TBXAS1: variants seen among roughly 807,000 people sequenced by gnomAD.
TBXAS1 encodes the protein thromboxane A synthase 1.
In TBXAS1, 48 loss-of-function variants were observed where a neutral mutation model predicts 60.7. The observed-to-expected ratio is 0.79, with a 90% CI of 0.63 to 1.01. The LOEUF is 1.01. TBXAS1 is among the 50% of genes least tolerant of loss of function. The pLI, the probability that TBXAS1 is intolerant of heterozygous loss-of-function variation, is 0.00. For synonymous variants in TBXAS1, 287 were observed against 269.7 expected (o/e 1.06, Z -0.63); for missense variants, 685 against 686.3 (o/e 1.00, Z 0.02).
At chr7:139,996,400 G>C (rs1398106485) in intron 9 of TBXAS1, among the ~76,000 whole-genome samples, 1 of 147,780 alleles carries the variant, frequency 6.8e-6, no homozygotes, top group African/African-American at 2.5e-5. Context: ...TTGGCTCTGT[G>C]CTTGTTTTTC....
At chr7:139,827,910 A>G (rs1798488567), upstream of TBXAS1, among the ~76,000 whole-genome samples, 1 of 152,164 alleles carries the variant, frequency 6.6e-6, no homozygotes, top group Non-Finnish European at 1.5e-5. Context: ...ACAGCTCTTA[A>G]GATTCTTTCC....
rs1162299356 is a variant in TBXAS1 at position 139,951,930 on chromosome 7, AG to A, written c.451-1437del. ...AAGAGAAAGAAAGAGAGAAAGAAAG[AG>A]AGAAAGAAGGAAAGAAAGAAAAGAA... On this transcript the variant is annotated intron_variant, in intron 5 of 12. Coordinates refer to ENST00000448866, the MANE Select transcript of TBXAS1 (RefSeq NM_001061.7). Among the ~76,000 whole-genome samples the A allele has an allele frequency of 2.3e-3, 157 of 68,554 alleles. 15 individuals carry two copies. Among genetic ancestry groups the A allele is most frequent in the Middle Eastern group, 6.7e-3 (1 of 150 alleles). The allele number at this position is 68,554 out of a possible 152,430, so 45.0% of individuals were successfully genotyped here. A position where few individuals can be genotyped will look rare whatever the true frequency, so the allele number is the denominator to read the frequency against.
intron 4 of TBXAS1, among the ~76,000 whole-genome samples, chr7:139,799,819 A>G (rs1797671005): frequency 6.6e-6 from 1 of 152,138 alleles, no homozygotes; most frequent in Non-Finnish European, 1.5e-5. Flanking sequence ...TGTGGCTTTC[A>G]CTTGGCTTCT....
intron 3 of TBXAS1, among the ~76,000 whole-genome samples, chr7:139,905,166 G>A (rs774069869): frequency 6.6e-6 from 1 of 151,588 alleles, no homozygotes; most frequent in Non-Finnish European, 1.5e-5. Flanking sequence ...AAGAGGAGTG[G>A]TGGGAGTGGG....
At chr7:139,996,899 T>C (rs1813338971) in intron 9 of TBXAS1, among the ~76,000 whole-genome samples, 1 of 152,242 alleles carries the variant, frequency 6.6e-6, no homozygotes, top group Non-Finnish European at 1.5e-5. Context: ...TTCTGACTAC[T>C]GGCCTTGTGA....
intron 1 of TBXAS1, among the ~76,000 whole-genome samples, chr7:139,869,998 G>A (rs1267917932): frequency 6.6e-6 from 1 of 152,162 alleles, no homozygotes; most frequent in East Asian, 1.9e-4. Context: ...CTGCAGATTT[G>A]GGTGCAGGAA....
At position 139,792,932 on chromosome 7, in the gene TBXAS1, G is replaced by A. The variant is rs1161164112; in HGVS notation, c.-80+5506G>A. Among the ~76,000 whole-genome samples the A allele has an allele frequency of 3.3e-5, 5 of 152,188 alleles. No individual in the cohort carries two copies. The East Asian group carries it at 9.6e-4, about 29-fold the overall frequency. ...AAAAGAAGAGCAATAAGAATGCTTGGTGCGAAGTAGGGTCATGTGGCTGTT... is the reference window on the plus strand; with the variant it reads ...AAAAGAAGAGCAATAAGAATGCTTGATGCGAAGTAGGGTCATGTGGCTGTT... On this transcript the variant is annotated intron_variant, in intron 4 of 16. Transcript: ENST00000336425.
intron 1 of TBXAS1, among the ~76,000 whole-genome samples, chr7:139,830,458 T>A (rs1182120109): frequency 1.3e-5 from 2 of 152,240 alleles, no homozygotes; most frequent in Admixed American, 6.5e-5. Context: ...TGATGTTCTA[T>A]GATGATGAAA....
chr7:139,878,096 GT>G (rs1230043422), intron 3 of TBXAS1, among the ~76,000 whole-genome samples: 8 of 127,346 alleles, frequency 6.3e-5, no homozygotes, highest in African/African-American at 1.0e-4. Context: ...GTATGAACTA[GT>G]TGTGTGTGTG....
At chr7:139,827,887 G>T (rs994174527), upstream of TBXAS1, among the ~76,000 whole-genome samples, 3 of 152,174 alleles carry the variant, frequency 2.0e-5, no homozygotes, top group African/African-American at 7.2e-5. Context: ...AGGTTACCTG[G>T]TTCTTCTGTC....
At chr7:139,976,432 G>C (rs1044668289) in intron 9 of TBXAS1, among the ~76,000 whole-genome samples, 4 of 152,196 alleles carry the variant, frequency 2.6e-5, no homozygotes, top group African/African-American at 7.2e-5. Context: ...CAGATTCTCT[G>C]ACTGAAGCAA....
chr7:139,874,931 T>C (rs1435964529), intron 2 of TBXAS1, among the ~76,000 whole-genome samples: 1 of 152,072 alleles, frequency 6.6e-6, no homozygotes, highest in African/African-American at 2.4e-5. Context: ...CCTGTCTTTA[T>C]TAAAAATACA....
At chr7:139,933,403 G>A (rs1057010093) in intron 4 of TBXAS1, among the ~76,000 whole-genome samples, 1 of 152,274 alleles carries the variant, frequency 6.6e-6, no homozygotes, top group Middle Eastern at 3.4e-3. Context: ...TTTATTCCAT[G>A]TAGTGTGCCA....
At chr7:139,976,298 C>A (rs1187313317) in intron 9 of TBXAS1, among the ~76,000 whole-genome samples, 1 of 152,150 alleles carries the variant, frequency 6.6e-6, no homozygotes, top group African/African-American at 2.4e-5. Context: ...TCCATTGAGA[C>A]AAGTCCCTGG....
At chr7:139,848,306 T>C (rs1041086900) in intron 1 of TBXAS1, among the ~76,000 whole-genome samples, 5 of 152,084 alleles carry the variant, frequency 3.3e-5, no homozygotes, top group Admixed American at 2.6e-4. Flanking sequence ...TTTGATTCTG[T>C]TAATTTTGGG....
At chr7:140,017,948 T>A (rs142254604) in intron 12 of TBXAS1, 115 bp downstream of exon 12, 2 of 1,435,524 alleles carry the variant, frequency 1.4e-6, no homozygotes, top group African/African-American at 2.8e-5. Context: ...CTCCGTGAGC[T>A]TGGGCAAGCT....
intron 8 of TBXAS1, among the ~76,000 whole-genome samples, chr7:139,958,281 A>G (rs1361598219): frequency 6.6e-6 from 1 of 151,914 alleles, no homozygotes. Flanking sequence ...GGCCCCCTGG[A>G]CTCCTTGGCA....
chr7:139,898,724 G>C (rs1037700160), intron 3 of TBXAS1, among the ~76,000 whole-genome samples: 7 of 152,204 alleles, frequency 4.6e-5, no homozygotes, highest in African/African-American at 1.7e-4. Context: ...CCCTGACAAA[G>C]TGGCAGCAGC....
intron 1 of TBXAS1, among the ~76,000 whole-genome samples, chr7:139,853,930 C>T (rs1268861847): frequency 6.6e-6 from 1 of 152,152 alleles, no homozygotes; most frequent in East Asian, 1.9e-4. Context: ...AAAACATCTC[C>T]ATGTGCCCAG....
Sources: gnomAD v4.1 joint callset for allele counts (sites outside exome capture counted in the v4.1 genomes callset) on GRCh38, gnomAD v4.1.1 for gene constraint, MANE v1.5 for transcripts, NCBI Gene and HGNC (gene_info 2026-07-23, HGNC 2026-07-21) for gene names.